Variants in ANKEF1 observed in about 807,000 individuals in gnomAD.
ANKEF1 encodes ankyrin repeat and EF-hand domain containing 1, also known as ankyrin repeat and EF-hand domain-containing protein 1.
In ANKEF1, 43 loss-of-function variants were observed where a neutral mutation model predicts 65.1. The ratio of observed to expected loss-of-function variants is 0.66; its 90% CI spans 0.52 to 0.85. The LOEUF is 0.85. ANKEF1 is among the 40% of genes least tolerant of loss of function. ANKEF1 has a pLI of 0.00. For missense variants in ANKEF1, 934 were observed against 952.9 expected, an observed-to-expected ratio of 0.98 and a Z score of 0.26; for synonymous variants, 316 against 341.5, an observed-to-expected ratio of 0.93 and a Z score of 0.82.
intron 8 of ANKEF1, 140 bp from the exon 9 acceptor site, chr20:10,052,971 GA>G (rs1179089547): frequency 5.9e-6 from 4 of 678,678 alleles, no homozygotes; most frequent in Non-Finnish European, 8.9e-6. Flanking sequence ...CTAGCTCTGT[GA>G]ACTTCTGTAT....
In ANKEF1 at chr20:10,054,555, A is replaced by G; in HGVS notation, c.2128A>G (p.Ser710Gly). 1.2e-6 allele frequency: 2 copies of G among 1,610,282 alleles called. No individual in the cohort carries two copies. The highest frequency in any genetic ancestry group is 1.7e-6 in the Non-Finnish European group (2 of 1,178,390). ...GGTTCATCTGAATTCATTGATTACC[A>G]GTGGTTATACTAAGAAAGTGGATAT... is the stretch of plus-strand genomic sequence containing the variant. ...NVVHLNSLIT[S>G]GYTKKVDITF... The change falls in exon 10 of 11, where the codon AGT becomes GGT. Residue 710 changes from serine (S) to glycine (G), a missense_variant. By Grantham distance (56) the Ser-to-Gly change is moderately conservative. Coordinates refer to ENST00000378392, the MANE Select transcript of ANKEF1 (RefSeq NM_022096.6).
In ANKEF1 at chr20:10,043,318, C is replaced by G. The variant is rs778220220; in HGVS notation, c.543C>G (p.Asn181Lys). 1 of 1,613,288 alleles carries G rather than the reference C, an allele frequency of 6.2e-7. No homozygotes were observed. The highest frequency in any genetic ancestry group is 8.5e-7 in the Non-Finnish European group (1 of 1,179,540). Residue 181 changes from asparagine to lysine, a missense_variant, in exon 4 of 11, where the codon AAC (asparagine) becomes AAG (lysine). Transcript: ENST00000378392. The part of the protein sequence containing the change: ...LEKGANPNAI[N>K]SSTGRTALME... Reference sequence around the variant, plus strand: ...AAGGAGCCAATCCTAATGCAATCAACTCAGTATGGCTATTCTTGTGATTAC... The same window carrying G: ...AAGGAGCCAATCCTAATGCAATCAAGTCAGTATGGCTATTCTTGTGATTAC...
chr20:10,042,770 A>G (rs1361636977), intron 3 of ANKEF1, among the ~76,000 whole-genome samples: 1 of 152,154 alleles, frequency 6.6e-6, no homozygotes, highest in Non-Finnish European at 1.5e-5. Context: ...GGGACTTACC[A>G]GTAGCCCTTT....
At chr20:10,055,376 GT>G in intron 10 of ANKEF1, 125 bp from the exon 11 acceptor site, 2 of 832,108 alleles carry the variant, frequency 2.4e-6, no homozygotes, top group Non-Finnish European at 3.7e-6. Context: ...AAATTTAATA[GT>G]TTTAAGTTAA....
chr20:10,043,534 CATA>C lies in ANKEF1; in HGVS notation c.546+216_546+218del, dbSNP rs1185465444. On this transcript the variant is annotated intron_variant, in intron 4 of 10. Transcript: ENST00000378392. ...GTTTGGAAACTTGGTATTTATTATG[CATA>C]ATGTCAAGGTACCATTATAGGAAAT... Among the ~76,000 whole-genome samples, 4 of 151,548 alleles carry C rather than the reference CATA, an allele frequency of 2.6e-5. No individual in the cohort carries two copies. In the East Asian group the frequency reaches 7.8e-4, roughly 29 times the overall value.
rs563969620 is a variant in ANKEF1 at position 10,051,719 on chromosome 20, A to G, written c.1700A>G (p.His567Arg). ...TGGACTCCACTTCATTTTGCATGCCATGCAGGCCAACAAGACATTGTTGAG... is the reference window on the plus strand; with the variant it reads ...TGGACTCCACTTCATTTTGCATGCCGTGCAGGCCAACAAGACATTGTTGAG... ...FLWTPLHFAC[H>R]AGQQDIVELL... Residue 567 changes from histidine to arginine, a missense_variant, in exon 8 of 11, where the codon CAT (histidine) becomes CGT (arginine). By Grantham distance (29) the His-to-Arg change is conservative (BLOSUM62 0). Coordinates refer to ENST00000378392, the MANE Select transcript of ANKEF1 (RefSeq NM_022096.6). 2.9e-5 allele frequency: 46 copies of G among 1,613,824 alleles called. No homozygotes were observed. In the South Asian group the frequency reaches 4.2e-4, roughly 15 times the overall value.
chr20:10,038,165 T>C (rs993607586), intron 2 of ANKEF1, 93 bp from the exon 3 acceptor site: 6 of 520,480 alleles, frequency 1.2e-5, no homozygotes, highest in Non-Finnish European at 2.0e-5. Flanking sequence ...AAAAACAATC[T>C]CTGTTCTTAA....
rs1194536639 is a variant in ANKEF1, at chr20:10,056,745, C to T, written c.*1085C>T. On this transcript the variant is annotated 3_prime_UTR_variant, in exon 11 of 11. Transcript: ENST00000378392. Reference sequence around the variant, plus strand: ...AGTATGTCTTTCCTAAAATAAAAGGCATCCATTTACCTAACCAGATTACGA... The same window carrying T: ...AGTATGTCTTTCCTAAAATAAAAGGTATCCATTTACCTAACCAGATTACGA... 2 of 152,146 alleles carry T rather than the reference C, an allele frequency of 1.3e-5. No homozygotes were observed. Among genetic ancestry groups the T allele is most frequent in the African/African-American group, 4.8e-5 (2 of 41,432 alleles). 9.4% of individuals were successfully genotyped at this position (152,146 alleles called of 1,614,324 possible).
intron 2 of ANKEF1, 78 bp from the exon 3 acceptor site, chr20:10,038,180 G>A (rs1441485578): frequency 1.6e-5 from 9 of 579,726 alleles, no homozygotes; most frequent in Admixed American, 1.5e-4. Flanking sequence ...TCTTAAGGAA[G>A]TTCCAAAATA....
Position 10,050,081 on chromosome 20 carries a change from T to A in ANKEF1, c.1512T>A (p.Asp504Glu). Reference protein sequence around the residue: ...SNINIITKAGDLASLKKAFES... With the variant: ...SNINIITKAGELASLKKAFES... ...TTAATATTATCACCAAAGCAGGGGA[T>A]CTGGCTTCTCTGAAAAAGGCCTTTG... Residue 504 changes from aspartate to glutamate, a missense_variant, in exon 7 of 11, where the codon GAT (aspartate) becomes GAA (glutamate). Asp to Glu is a conservative substitution (Grantham distance 45). Coordinates refer to ENST00000378392, the MANE Select transcript of ANKEF1 (RefSeq NM_022096.6). 6.2e-7 allele frequency: 1 copy of A among 1,614,142 alleles called. No individual in the cohort carries two copies. The highest frequency in any genetic ancestry group is 1.1e-5 in the South Asian group (1 of 91,090).
chr20:10,039,118 A>T (rs1248467487), intron 3 of ANKEF1, among the ~76,000 whole-genome samples: 2 of 152,238 alleles, frequency 1.3e-5, no homozygotes, highest in Admixed American at 1.3e-4. Context: ...GACTAAAGTC[A>T]ATTCTGGCAT....
intron 2 of ANKEF1, among the ~76,000 whole-genome samples, chr20:10,037,105 TG>T (rs1462446088): frequency 2.6e-5 from 4 of 152,084 alleles, no homozygotes; most frequent in African/African-American, 9.7e-5. Flanking sequence ...TGGAGAAAAA[TG>T]GTGCATAGTT....
At chr20:10,055,089 C>T (rs1476210897) in intron 10 of ANKEF1, among the ~76,000 whole-genome samples, 1 of 152,162 alleles carries the variant, frequency 6.6e-6, no homozygotes, top group African/African-American at 2.4e-5. Context: ...CCAGGCTGAA[C>T]AAGCAGCTCC....
At chr20:10,045,079 T>C (rs1600515498) in intron 5 of ANKEF1, among the ~76,000 whole-genome samples, 1 of 152,258 alleles carries the variant, frequency 6.6e-6, no homozygotes, top group African/African-American at 2.4e-5. Flanking sequence ...GAAATTTCTT[T>C]ACTCAATTTC....
At chr20:10,054,686 A>C in intron 10 of ANKEF1, 87 bp downstream of exon 10, 10 of 1,349,588 alleles carry the variant, frequency 7.4e-6, no homozygotes, top group Non-Finnish European at 1.0e-5. Context: ...TATCCAAACA[A>C]ATCTGCACAG....
chr20:10,036,846 T>C (rs1983887564), intron 2 of ANKEF1, among the ~76,000 whole-genome samples: 1 of 151,752 alleles, frequency 6.6e-6, no homozygotes, highest in Admixed American at 6.6e-5. Flanking sequence ...GGGCTGAGGG[T>C]CGAGGGTCAT....
At chr20:10,055,431 G>T in intron 10 of ANKEF1, 71 bp from the exon 11 acceptor site, 2 of 1,366,802 alleles carry the variant, frequency 1.5e-6, no homozygotes, top group Non-Finnish European at 1.0e-6. Context: ...ATTGAAAATT[G>T]TCTGGATATT....
At chr20:10,041,015 A>G (rs1208326668) in intron 3 of ANKEF1, among the ~76,000 whole-genome samples, 1 of 151,436 alleles carries the variant, frequency 6.6e-6, no homozygotes, top group African/African-American at 2.4e-5. Flanking sequence ...GTTTATATAA[A>G]ATATATTTAG....
At chr20:10,044,362 C>T (rs1224469120) in intron 4 of ANKEF1, 32 bp from the exon 5 acceptor site, 6 of 1,611,004 alleles carry the variant, frequency 3.7e-6, no homozygotes, top group Non-Finnish European at 5.1e-6. Context: ...TGGGTATAAA[C>T]AGCATCTCAT....
Sources: allele counts gnomAD v4.1 joint callset (sites outside exome capture counted in the v4.1 genomes callset), GRCh38; gene constraint gnomAD v4.1.1; transcripts MANE v1.5; gene names NCBI Gene and HGNC (gene_info 2026-07-23, HGNC 2026-07-21).